SPTBN1: variants seen among roughly 807,000 people sequenced by gnomAD.
The protein encoded by SPTBN1 is spectrin beta, non-erythrocytic 1.
Under a neutral mutation model 266.4 loss-of-function variants are expected in SPTBN1, and 32 were observed. The ratio of observed to expected loss-of-function variants is 0.12; its 90% CI spans 0.09 to 0.16. The LOEUF is 0.16. SPTBN1 is among the 10% of genes least tolerant of loss of function. The probability of loss-of-function intolerance (pLI) is 1.00; values close to 1 mark genes in which losing one functional copy is unlikely to be tolerated. For missense variants in SPTBN1, 2,296 were observed against 3,067.1 expected, an observed-to-expected ratio of 0.75 and a Z score of 5.94; for synonymous variants, 1,336 against 1,162.2, an observed-to-expected ratio of 1.15 and a Z score of -3.04.
intron 1 of SPTBN1, among the ~76,000 whole-genome samples, chr2:54,511,697 C>G (rs556094484): frequency 2.0e-4 from 30 of 151,932 alleles, no homozygotes; most frequent in Non-Finnish European, 4.0e-4. Flanking sequence ...AACCCAGTCT[C>G]TACTAAAAAT....
chr2:54,463,405 T>C (rs7592594), intron 1 of SPTBN1, among the ~76,000 whole-genome samples: 75,457 of 152,072 alleles, frequency 0.5, 18,938 homozygotes, highest in East Asian at 0.64. Context: ...TCCAGCACAA[T>C]CCTCAGTGGA....
In SPTBN1 at chr2:54,615,574, A is replaced by C. The variant is rs185761534; in HGVS notation, c.475-633A>C. Among the ~76,000 whole-genome samples the C allele has an allele frequency of 1.2e-4, 18 of 152,328 alleles. No individual in the cohort carries two copies. In the South Asian group the frequency reaches 1.2e-3, roughly 11 times the overall value. On this transcript the variant is annotated intron_variant, in intron 4 of 35. Transcript: ENST00000356805. ...CAGTGCTGTGAGATTAGCCACTGTCATTATTTCCATTCCTCAGATGGGGAA... is the reference window on the plus strand; with the variant it reads ...CAGTGCTGTGAGATTAGCCACTGTCCTTATTTCCATTCCTCAGATGGGGAA...
Position 54,628,874 on chromosome 2 carries a change from A to AG in SPTBN1, c.1799-58dup. 6.6e-7 allele frequency: 1 copy of AG among 1,522,792 alleles called. No homozygotes were observed. The highest frequency in any genetic ancestry group is 8.8e-7 in the Non-Finnish European group (1 of 1,137,872). 94.3% of individuals were successfully genotyped at this position (1,522,792 alleles called of 1,614,324 possible). ...GGGTGTAGCTTACTGCCTGCCAGTG[A>AG]GCCTGCACCCATGCTGAGCTCCCTC... On this transcript the variant is annotated intron_variant, in intron 13 of 35. Coordinates refer to ENST00000356805, the MANE Select transcript of SPTBN1 (RefSeq NM_003128.3). The surrounding 1 kb of genome is among the most constrained non-coding windows in gnomAD (Gnocchi z 4.3).
chr2:54,612,030 A>G (rs1677250304), intron 3 of SPTBN1, 131 bp from the exon 4 acceptor site: 17 of 897,060 alleles, frequency 1.9e-5, no homozygotes, highest in Non-Finnish European at 2.7e-5. Flanking sequence ...TAATGAGTAC[A>G]TGTGTTTGTT....
intron 2 of SPTBN1, among the ~76,000 whole-genome samples, chr2:54,574,883 T>C (rs1363809361): frequency 1.3e-5 from 2 of 152,218 alleles, no homozygotes; most frequent in African/African-American, 4.8e-5. Flanking sequence ...GGTACCTTCA[T>C]GAACATATTA....
At chr2:54,643,280 G>T in intron 19 of SPTBN1, 151 bp downstream of exon 19, 1 of 1,207,436 alleles carries the variant, frequency 8.3e-7, no homozygotes, top group Admixed American at 3.0e-5. Flanking sequence ...TGCACGTACG[G>T]GTTCCTGACT....
chr2:54,505,699 G>C (rs1202603375), intron 1 of SPTBN1, among the ~76,000 whole-genome samples: 1 of 152,126 alleles, frequency 6.6e-6, no homozygotes, highest in African/African-American at 2.4e-5. Context: ...CAGTACCTGG[G>C]GTGATTTAAC....
chr2:54,654,834 C>T (rs889819936), intron 27 of SPTBN1, among the ~76,000 whole-genome samples: 2 of 152,202 alleles, frequency 1.3e-5, no homozygotes, highest in African/African-American at 4.8e-5. Flanking sequence ...GGCACACACA[C>T]AAAAACAAAA....
chr2:54,506,123 C>CTAAATAAATAAATAAA (rs56815057), intron 1 of SPTBN1, among the ~76,000 whole-genome samples: 2 of 145,438 alleles, frequency 1.4e-5, no homozygotes, highest in Non-Finnish European at 3.0e-5. Flanking sequence ...GACTCCGTCT[C>CTAAATAAATAAATAAA]TAAATAAATA....
chr2:54,667,534 A>T (rs1161643051), intron 34 of SPTBN1, 70 bp from the exon 35 acceptor site: 19 of 1,433,566 alleles, frequency 1.3e-5, no homozygotes, highest in Non-Finnish European at 1.8e-5. Flanking sequence ...CCTGCATGGG[A>T]TATGGGAGTT....
At chr2:54,500,567 A>G (rs533023954) in intron 1 of SPTBN1, among the ~76,000 whole-genome samples, 2 of 152,024 alleles carry the variant, frequency 1.3e-5, no homozygotes, top group Admixed American at 6.5e-5. Context: ...TTGTTTTGAG[A>G]CAGGGTCTGG....
chr2:54,496,023 A>C (rs1427071395), intron 1 of SPTBN1, among the ~76,000 whole-genome samples: 1 of 152,198 alleles, frequency 6.6e-6, no homozygotes, highest in Non-Finnish European at 1.5e-5. Context: ...CTTATACAGT[A>C]GTTCTTTGTT....
intron 2 of SPTBN1, among the ~76,000 whole-genome samples, chr2:54,581,728 C>T (rs1017991906): frequency 1.3e-5 from 2 of 152,020 alleles, no homozygotes; most frequent in Non-Finnish European, 2.9e-5. Flanking sequence ...CTACTTCCTC[C>T]TCACTGACTA....
intron 1 of SPTBN1, among the ~76,000 whole-genome samples, chr2:54,469,137 G>A (rs940579080): frequency 6.6e-6 from 1 of 152,210 alleles, no homozygotes; most frequent in Admixed American, 6.5e-5. Flanking sequence ...ACATCAGATG[G>A]ATGGAGGTGA....
At chr2:54,542,305 T>C (rs1671983746) in intron 2 of SPTBN1, among the ~76,000 whole-genome samples, 1 of 152,218 alleles carries the variant, frequency 6.6e-6, no homozygotes, top group Non-Finnish European at 1.5e-5. Context: ...CATGCATGGC[T>C]ATGTCGAGAT....
intron 26 of SPTBN1, among the ~76,000 whole-genome samples, chr2:54,651,304 T>G (rs1680265551): frequency 6.6e-6 from 1 of 152,196 alleles, no homozygotes; most frequent in Admixed American, 6.5e-5. Flanking sequence ...AAGAAGGGTC[T>G]CGGAACATCC....
At chr2:54,505,417 T>C (rs1463085533) in intron 1 of SPTBN1, among the ~76,000 whole-genome samples, 6 of 152,150 alleles carry the variant, frequency 3.9e-5, no homozygotes, top group African/African-American at 1.2e-4. Context: ...ACAACAACAA[T>C]AACAACAACA....
At chr2:54,523,172 C>A (rs1472159665) in intron 1 of SPTBN1, among the ~76,000 whole-genome samples, 1 of 152,092 alleles carries the variant, frequency 6.6e-6, no homozygotes, top group Non-Finnish European at 1.5e-5. Flanking sequence ...ATGTTAAATG[C>A]CACTGTAAGA....
At chr2:54,487,832 C>CTGTTTTTTTTTTTTTTTTTTTTT (rs1426296541) in intron 1 of SPTBN1, among the ~76,000 whole-genome samples, 2 of 68,644 alleles carry the variant, frequency 2.9e-5, no homozygotes, top group Non-Finnish European at 5.1e-5. Flanking sequence ...CCTCCTGTGT[C>CTGTTTTTTTTTTTTTTTTTTTTT]TTTTTTTTTT....
Sources: gnomAD v4.1 joint callset for allele counts (sites outside exome capture counted in the v4.1 genomes callset) on GRCh38, gnomAD v4.1.1 for gene constraint, Gnocchi (gnomAD v3.1) non-coding constraint, MANE v1.5 for transcripts, NCBI Gene and HGNC (gene_info 2026-07-23, HGNC 2026-07-21) for gene names.